Variants in DAPK1 observed in about 807,000 individuals in gnomAD.
DAPK1 encodes the protein death-associated protein kinase 1.
Under a neutral mutation model 144.9 loss-of-function variants are expected in DAPK1, and 56 were observed. That is an observed-to-expected ratio of 0.39 (90% confidence interval 0.31 to 0.48). DAPK1 has a LOEUF of 0.48. Ranked by LOEUF, DAPK1 falls within the 20% of genes least tolerant of loss-of-function variation. The pLI is 0.95. For missense variants in DAPK1, 1,454 were observed against 1,875.4 expected (o/e 0.78, Z 4.15); for synonymous variants, 690 against 749.0 (o/e 0.92, Z 1.29).
At chr9:87,664,667 A>G (rs1196272993) in intron 18 of DAPK1, among the ~76,000 whole-genome samples, 1 of 152,164 alleles carries the variant, frequency 6.6e-6, no homozygotes, top group East Asian at 1.9e-4. Flanking sequence ...CTGGGAATTC[A>G]TTGCTGCCTC....
chr9:87,569,451 A>G (rs1040492270), intron 2 of DAPK1, among the ~76,000 whole-genome samples: 1 of 152,228 alleles, frequency 6.6e-6, no homozygotes, highest in Non-Finnish European at 1.5e-5. Flanking sequence ...CCCATATAGA[A>G]ATACGCAGAT....
chr9:87,606,997 A>G (rs1177802861), intron 3 of DAPK1, among the ~76,000 whole-genome samples: 1 of 151,522 alleles, frequency 6.6e-6, no homozygotes, highest in Non-Finnish European at 1.5e-5. Context: ...ACAACTAAAA[A>G]TATATCCAGA....
chr9:87,515,022 A>C (rs566371298), intron 2 of DAPK1, among the ~76,000 whole-genome samples: 13 of 152,336 alleles, frequency 8.5e-5, no homozygotes, highest in Admixed American at 3.3e-4. Context: ...CAAAGAAGGC[A>C]AAAGCTGGAG....
intron 18 of DAPK1, among the ~76,000 whole-genome samples, chr9:87,663,320 A>G (rs1830929865): frequency 6.6e-6 from 1 of 152,186 alleles, no homozygotes; most frequent in Non-Finnish European, 1.5e-5. Context: ...GTGGGTTTCC[A>G]TAAGACAAAC....
At chr9:87,497,727 GC>G (rs1274021335), upstream of DAPK1, 36 of 265,694 alleles carry the variant, frequency 1.4e-4, no homozygotes, top group Non-Finnish European at 2.0e-4. Flanking sequence ...GGAGCAGCGA[GC>G]GCCGCGCAGA....
chr9:87,515,191 A>G (rs1313419509), intron 2 of DAPK1, among the ~76,000 whole-genome samples: 1 of 152,194 alleles, frequency 6.6e-6, no homozygotes, highest in Admixed American at 6.5e-5. Context: ...AAGATAGTAA[A>G]TATGGTAAGC....
chr9:87,588,603 A>C (rs1270462155), intron 2 of DAPK1, among the ~76,000 whole-genome samples: 6 of 152,196 alleles, frequency 3.9e-5, no homozygotes, highest in Admixed American at 2.6e-4. Context: ...CTTTCTCCCA[A>C]CTGTGCATTT....
chr9:87,657,441 A>G (rs1830665121), intron 17 of DAPK1: 1 of 155,218 alleles, frequency 6.4e-6, no homozygotes, highest in Non-Finnish European at 1.4e-5. Context: ...ACATGATGTC[A>G]TGGAAGGCAG....
At position 87,703,032 on chromosome 9, in the gene DAPK1, T is replaced by G. The variant is rs746330981; in HGVS notation, c.2875T>G (p.Cys959Gly). Reference protein sequence around the residue: ...QEIRSQIVSVCPPMTHLCEKI... With the variant: ...QEIRSQIVSVGPPMTHLCEKI... ...TGTCTGGCCCTGCCCCCTCTAGGTC[T>G]GTCCTCCCATGACTCACCTGTGTGA... Residue 959 changes from cysteine to glycine, a missense_variant, in exon 25 of 26, where the codon TGT becomes GGT. Physicochemically the swap from Cys to Gly is radical, Grantham distance 159. Coordinates refer to ENST00000408954, the MANE Select transcript of DAPK1 (RefSeq NM_004938.4). 10 of 1,553,892 alleles carry G rather than the reference T, an allele frequency of 6.4e-6. No individual in the cohort carries two copies. In the East Asian group the frequency reaches 1.8e-4, roughly 28 times the overall value.
chr9:87,661,722 A>G (rs1830853568), intron 18 of DAPK1, among the ~76,000 whole-genome samples: 1 of 152,022 alleles, frequency 6.6e-6, no homozygotes, highest in African/African-American at 2.4e-5. Flanking sequence ...TACATTCTGG[A>G]TGTTAGTTCC....
intron 2 of DAPK1, among the ~76,000 whole-genome samples, chr9:87,564,546 G>A (rs10780862): frequency 0.63 from 94,005 of 148,574 alleles, 29,993 homozygotes; most frequent in African/African-American, 0.72. Flanking sequence ...CCTTCCTACT[G>A]TGTTATTTCA....
chr9:87,506,897 A>G (rs1009772902), intron 2 of DAPK1: 1 of 152,224 alleles, frequency 6.6e-6, no homozygotes, highest in African/African-American at 2.4e-5. Context: ...ATGGATTTAA[A>G]CTAACTTTCT....
At chr9:87,514,583 C>T (rs913738307) in intron 2 of DAPK1, among the ~76,000 whole-genome samples, 5 of 152,192 alleles carry the variant, frequency 3.3e-5, no homozygotes, top group African/African-American at 9.7e-5. Flanking sequence ...TTGAATTGAG[C>T]ACAAGAACCA....
intron 2 of DAPK1, among the ~76,000 whole-genome samples, chr9:87,531,228 C>T (rs1461463851): frequency 1.3e-5 from 2 of 152,172 alleles, no homozygotes; most frequent in African/African-American, 4.8e-5. Flanking sequence ...CGTGAGTCCC[C>T]TCTGACTAGA....
chr9:87,577,536 G>A (rs35881913), intron 2 of DAPK1, among the ~76,000 whole-genome samples: 6,227 of 152,260 alleles, frequency 0.041, 206 homozygotes, highest in African/African-American at 0.096. Context: ...AGTGGCTCAC[G>A]CTTGTAATCC....
intron 2 of DAPK1, among the ~76,000 whole-genome samples, chr9:87,583,586 G>A (rs1371091341): frequency 6.6e-6 from 1 of 152,224 alleles, no homozygotes; most frequent in Non-Finnish European, 1.5e-5. Flanking sequence ...TCTGTGAGCA[G>A]TGAAAATCTA....
At chr9:87,674,874 A>C (rs1824305236) in intron 19 of DAPK1, among the ~76,000 whole-genome samples, 1 of 152,198 alleles carries the variant, frequency 6.6e-6, no homozygotes, top group South Asian at 2.1e-4. Context: ...GAAAAGTAGA[A>C]ACTAGGAGAT....
chr9:87,699,915 A>G (rs1564077493), intron 23 of DAPK1, among the ~76,000 whole-genome samples: 2 of 152,144 alleles, frequency 1.3e-5, no homozygotes, highest in Admixed American at 6.5e-5. Context: ...GACTCAGACT[A>G]TATGCCAGTT....
intron 2 of DAPK1, among the ~76,000 whole-genome samples, chr9:87,561,505 G>A (rs555547734): frequency 3.3e-5 from 5 of 149,416 alleles, no homozygotes; most frequent in South Asian, 4.3e-4. Context: ...CAGCCTGGGC[G>A]ACAGAGCGAG....
Sources: allele counts gnomAD v4.1 joint callset (sites outside exome capture counted in the v4.1 genomes callset), GRCh38; gene constraint gnomAD v4.1.1; transcripts MANE v1.5; gene names NCBI Gene and HGNC (gene_info 2026-07-23, HGNC 2026-07-21).